Variants in ERICH5 observed in about 807,000 individuals in gnomAD.
The protein encoded by ERICH5 is glutamate rich 5.
ERICH5 carries 24 observed loss-of-function variants against 28.0 expected under a neutral mutation model. The observed-to-expected ratio is 0.86, with a 90% confidence interval of 0.62 to 1.21. The LOEUF is 1.21. Among genes scored for constraint, ERICH5 ranks in the 50% most tolerant of loss-of-function variants. ERICH5 has a pLI of 0.00. For missense variants in ERICH5, 421 were observed against 441.2 expected (o/e 0.95, Z 0.41); for synonymous variants, 163 against 157.6 (o/e 1.03, Z -0.25).
chr8:98,079,051 A>G (rs1452952192), intron 1 of ERICH5, among the ~76,000 whole-genome samples: 1 of 152,132 alleles, frequency 6.6e-6, no homozygotes, highest in Non-Finnish European at 1.5e-5. Flanking sequence ...TACTTGGGTA[A>G]GAGGTAATGT....
chr8:98,091,092 C>T (rs1815374970), intron 2 of ERICH5, among the ~76,000 whole-genome samples: 1 of 152,150 alleles, frequency 6.6e-6, no homozygotes, highest in African/African-American at 2.4e-5. Flanking sequence ...CGCACACCAC[C>T]ATGCCCGGCT....
intron 1 of ERICH5, among the ~76,000 whole-genome samples, chr8:98,074,003 G>T (rs1252550351): frequency 2.0e-5 from 3 of 148,108 alleles, no homozygotes; most frequent in Non-Finnish European, 1.5e-5. Flanking sequence ...CTGAAGCCTC[G>T]ACCTCCCACC....
intron 2 of ERICH5, among the ~76,000 whole-genome samples, chr8:98,090,992 C>T (rs1815373891): frequency 6.6e-6 from 1 of 152,034 alleles, no homozygotes; most frequent in South Asian, 2.1e-4. Flanking sequence ...GGCTGGAGTG[C>T]AGTGAAGTGA....
At chr8:98,090,075 G>T in intron 2 of ERICH5, 46 bp downstream of exon 2, 1 of 1,412,592 alleles carries the variant, frequency 7.1e-7, no homozygotes. Context: ...GTGCTCCATA[G>T]GAGACCAGCT....
chr8:98,077,528 A>T (rs1035324278), intron 1 of ERICH5, among the ~76,000 whole-genome samples: 1 of 152,226 alleles, frequency 6.6e-6, no homozygotes, highest in African/African-American at 2.4e-5. Flanking sequence ...ATAGGAATCT[A>T]AAAGAAATTA....
At position 98,070,660 on chromosome 8, in the gene ERICH5, C is replaced by CAAAAAAAAAAAAAAAAAAAAAAAAAA. The variant is rs769042472; in HGVS notation, c.58+5955_58+5956insAAAAAAAAAAAAAAAAAAAAAAAAAA. ...GGGCAACAAGAGTGAAACTGCATCT[C>CAAAAAAAAAAAAAAAAAAAAAAAAAA]AAAAAAAAAAAAAAAAAAAAAAGAA... On this transcript the variant is annotated intron_variant, in intron 1 of 2. Coordinates refer to ENST00000318528, the MANE Select transcript of ERICH5 (RefSeq NM_173549.3). Among the ~76,000 whole-genome samples the CAAAAAAAAAAAAAAAAAAAAAAAAAA allele has an allele frequency of 1.1e-3, 44 of 38,742 alleles. 1 individual carries two copies. The highest frequency in any genetic ancestry group is 1.8e-3 in the Non-Finnish European group (34 of 19,418). 25.4% of individuals were successfully genotyped at this position (38,742 alleles called of 152,430 possible).
At chr8:98,067,113 G>A (rs1279887801) in intron 1 of ERICH5, among the ~76,000 whole-genome samples, 1 of 152,136 alleles carries the variant, frequency 6.6e-6, no homozygotes, top group African/African-American at 2.4e-5. Flanking sequence ...AGGTCACAGA[G>A]CTTCTAAGAA....
At chr8:98,093,107 C>T in intron 2 of ERICH5, 114 bp from the exon 3 acceptor site, 1 of 653,766 alleles carries the variant, frequency 1.5e-6, no homozygotes, top group East Asian at 2.8e-5. Flanking sequence ...CCCAGAGAAA[C>T]TTACTGCTTA....
chr8:98,072,079 C>A (rs555564041), intron 1 of ERICH5, among the ~76,000 whole-genome samples: 1 of 151,826 alleles, frequency 6.6e-6, no homozygotes, highest in Admixed American at 6.6e-5. Context: ...GCTAAAACCC[C>A]CTAGGAATTA....
At chr8:98,073,510 A>C (rs1563753537) in intron 1 of ERICH5, among the ~76,000 whole-genome samples, 611 of 5,572 alleles carry the variant, frequency 0.11, 176 homozygotes, top group African/African-American at 0.21. Flanking sequence ...ATATATATAT[A>C]TATATGTATA....
Position 98,089,950 on chromosome 8 carries a change from A to G in ERICH5, c.933A>G (p.Pro311=), listed in dbSNP as rs1240322813. ...GAATAGTTGGAAGCATGGAGCATCC[A>G]GCACGAAATGTAGAGGCAGGAGCAT... The part of the protein sequence containing the change: ...PEGIVGSMEH[P]ARNVEAGAYV... The change falls in exon 2 of 3, where the codon CCA becomes CCG. Residue 311 remains proline, a synonymous_variant. Transcript: ENST00000318528. The G allele has an allele frequency of 1.2e-6, 2 of 1,614,136 alleles. No individual in the cohort carries two copies. Among genetic ancestry groups the G allele is most frequent in the African/African-American group, 2.7e-5 (2 of 74,944 alleles).
At chr8:98,091,098 C>T (rs966661122) in intron 2 of ERICH5, among the ~76,000 whole-genome samples, 43 of 152,136 alleles carry the variant, frequency 2.8e-4, no homozygotes, top group African/African-American at 5.5e-4. Flanking sequence ...CCACCATGCC[C>T]GGCTAGTTTT....
intron 2 of ERICH5, among the ~76,000 whole-genome samples, chr8:98,092,878 T>C (rs1404087707): frequency 4.0e-5 from 6 of 151,384 alleles, no homozygotes; most frequent in African/African-American, 1.5e-4. Context: ...CGGCTTCAAG[T>C]GATTCTCTTG....
chr8:98,093,570 T>G lies in ERICH5; in HGVS notation c.*237T>G, dbSNP rs1460459537. The stretch of plus-strand genomic sequence containing the variant: ...CTTAGAATGGTTATACATTTAAAAG[T>G]ATAAAAACCAAAGCCAATAAAAATG... On this transcript the variant is annotated 3_prime_UTR_variant, in exon 3 of 3. Coordinates refer to ENST00000318528, the MANE Select transcript of ERICH5 (RefSeq NM_173549.3). The G allele has an allele frequency of 9.6e-6, 3 of 313,252 alleles. No individual in the cohort carries two copies. Among genetic ancestry groups the G allele is most frequent in the African/African-American group, 6.4e-5 (3 of 46,538 alleles). 19.4% of individuals were successfully genotyped at this position (313,252 alleles called of 1,614,324 possible). A position where few individuals can be genotyped will look rare whatever the true frequency, so the allele number is the denominator to read the frequency against.
intron 1 of ERICH5, among the ~76,000 whole-genome samples, chr8:98,087,067 G>C (rs1210964299): frequency 6.6e-6 from 1 of 152,174 alleles, no homozygotes; most frequent in East Asian, 1.9e-4. Context: ...ATTGAGACGG[G>C]CGTGGTGGCT....
intron 2 of ERICH5, 37 bp downstream of exon 2, chr8:98,090,066 T>C: frequency 2.0e-6 from 3 of 1,492,398 alleles, no homozygotes; most frequent in Non-Finnish European, 2.8e-6. Flanking sequence ...TGTTTAGATG[T>C]GCTCCATAGG....
intron 1 of ERICH5, among the ~76,000 whole-genome samples, chr8:98,071,586 T>C (rs1814919640): frequency 6.6e-6 from 1 of 152,140 alleles, no homozygotes; most frequent in Non-Finnish European, 1.5e-5. Context: ...CAAATTATCC[T>C]TCCACCTCAG....
chr8:98,093,020 T>C (rs958734338), intron 2 of ERICH5, among the ~76,000 whole-genome samples: 2 of 152,126 alleles, frequency 1.3e-5, no homozygotes, highest in Non-Finnish European at 2.9e-5. Flanking sequence ...GCAATCCGCC[T>C]TCCTTGGCCT....
rs1460744205 is a variant in ERICH5, at chr8:98,064,666, C to T, written c.-4C>T. On this transcript the variant is annotated 5_prime_UTR_variant, in exon 1 of 3. Transcript: ENST00000318528. ...GGCTGAGACAGGTGTCTGCGCTCCC[C>T]GCAATGGGCTGCTCCAGCAGCGCCC... 2.0e-6 allele frequency: 3 copies of T among 1,531,578 alleles called. No homozygotes were observed. The South Asian group carries it at 3.6e-5, about 18-fold the overall frequency. 94.9% of individuals were successfully genotyped at this position (1,531,578 alleles called of 1,614,324 possible).
Sources: gnomAD v4.1 joint callset for allele counts (sites outside exome capture counted in the v4.1 genomes callset) on GRCh38, gnomAD v4.1.1 for gene constraint, MANE v1.5 for transcripts, NCBI Gene and HGNC (gene_info 2026-07-23, HGNC 2026-07-21) for gene names.